Variants in ZFR2 observed in about 807,000 individuals in gnomAD.
ZFR2 encodes the protein zinc finger RNA binding protein 2.
A neutral mutation model predicts 105.7 loss-of-function variants in ZFR2; 104 were observed. That is an observed-to-expected ratio of 0.98 (90% CI 0.84 to 1.16). The LOEUF is 1.16. Among genes scored for constraint, ZFR2 ranks in the 50% most tolerant of loss-of-function variants. The pLI is 0.00. For synonymous variants in ZFR2, 634 were observed against 597.7 expected (o/e 1.06, Z -0.89); for missense variants, 1,425 against 1,355.5 (o/e 1.05, Z -0.80).
At chr19:3,835,121 C>A in intron 1 of ZFR2, 138 bp from the exon 2 acceptor site, 1 of 929,196 alleles carries the variant, frequency 1.1e-6, no homozygotes, top group Non-Finnish European at 1.7e-6. Context: ...AGCCCAGGCA[C>A]GGCCGGAAGC....
At chr19:3,818,364 G>T (rs899117948) in intron 12 of ZFR2, among the ~76,000 whole-genome samples, 1 of 152,220 alleles carries the variant, frequency 6.6e-6, no homozygotes, top group Non-Finnish European at 1.5e-5. Flanking sequence ...CTACTCGGGA[G>T]GCTGAGGCGG....
At chr19:3,806,267 C>G in intron 18 of ZFR2, 142 bp from the exon 19 acceptor site, 2 of 966,826 alleles carry the variant, frequency 2.1e-6, no homozygotes, top group African/African-American at 3.4e-5. Flanking sequence ...CGGCCCCCCG[C>G]CGCTTTCTTT....
chr19:3,825,682 C>T (rs758681247), intron 6 of ZFR2, among the ~76,000 whole-genome samples: 7 of 152,184 alleles, frequency 4.6e-5, no homozygotes, highest in Non-Finnish European at 8.8e-5. Context: ...CTCACACGGA[C>T]GCTCTTCCTC....
At chr19:3,862,243 G>C (rs182972704) in intron 1 of ZFR2, among the ~76,000 whole-genome samples, 2 of 152,242 alleles carry the variant, frequency 1.3e-5, no homozygotes, top group East Asian at 3.9e-4. Flanking sequence ...AATATGTTTA[G>C]GAGAGAAAAA....
At chr19:3,842,852 T>G (rs1363827044) in intron 1 of ZFR2, among the ~76,000 whole-genome samples, 1 of 152,128 alleles carries the variant, frequency 6.6e-6, no homozygotes, top group Non-Finnish European at 1.5e-5. Flanking sequence ...CTCGAACTCC[T>G]GACTGCAGGT....
In ZFR2 at chr19:3,825,266, C is replaced by T; in HGVS notation, c.1177G>A (p.Ala393Thr). The T allele has an allele frequency of 6.4e-7, 1 of 1,558,468 alleles. No individual in the cohort carries two copies. The highest frequency in any genetic ancestry group is 2.4e-5 in the East Asian group (1 of 42,404). The change falls in exon 7 of 19, where the codon GCC becomes ACC. Residue 393 changes from alanine to threonine, a missense_variant. Coordinates refer to ENST00000262961, the MANE Select transcript of ZFR2 (RefSeq NM_015174.2). ...SVCASSRPAL[A>T]KRPVASKALC... ...GCCTTCGAGGCCACGGGTCTCTTGG[C>T]CAGCGCTGGCCTGCTCGAGGCACAC...
At chr19:3,814,221 G>A (rs1442207178) in intron 13 of ZFR2, among the ~76,000 whole-genome samples, 2 of 152,158 alleles carry the variant, frequency 1.3e-5, no homozygotes, top group Non-Finnish European at 2.9e-5. Flanking sequence ...AAGAATACCT[G>A]TAATTCAATA....
chr19:3,867,310 G>A (rs887765830), intron 1 of ZFR2, among the ~76,000 whole-genome samples: 65 of 150,006 alleles, frequency 4.3e-4, no homozygotes, highest in Non-Finnish European at 8.4e-4. Context: ...CTGTTGGGGG[G>A]GGAATCTGGT....
At chr19:3,856,524 AC>A in intron 1 of ZFR2, among the ~76,000 whole-genome samples, 1 of 152,088 alleles carries the variant, frequency 6.6e-6, no homozygotes, top group Non-Finnish European at 1.5e-5. Context: ...TGTTTCCACC[AC>A]CCCAAAAAGA....
chr19:3,825,648 G>C (rs1476953221), intron 6 of ZFR2, among the ~76,000 whole-genome samples: 3 of 151,466 alleles, frequency 2.0e-5, no homozygotes, highest in Non-Finnish European at 2.9e-5. Context: ...CACTCCTCTA[G>C]TGTGTGAGCA....
chr19:3,857,915 G>A (rs929127441), intron 1 of ZFR2, among the ~76,000 whole-genome samples: 1 of 152,052 alleles, frequency 6.6e-6, no homozygotes, highest in Non-Finnish European at 1.5e-5. Flanking sequence ...GGTGGGAAAC[G>A]GGGAGCCCAG....
rs1446969857 is a variant in ZFR2 at position 3,827,600 on chromosome 19, C to G, written c.906G>C (p.Gln302His). The change falls in exon 6 of 19, where the codon CAG (glutamine) becomes CAC (histidine). Residue 302 changes from glutamine (Q) to histidine (H), a missense_variant. By Grantham distance (24) the Gln-to-His change is conservative (BLOSUM62 0). Transcript: ENST00000262961. ...TCCCGTTGGGCTGCACGCCTGTCTT[C>G]TGGGCCGCCTCCTTCTTTCTGTGCT... ...GQKHRKKEAA[Q>H]KTGVQPNGSP... The G allele has an allele frequency of 6.3e-7, 1 of 1,579,296 alleles. No individual in the cohort carries two copies. Among genetic ancestry groups the G allele is most frequent in the East Asian group, 2.3e-5 (1 of 42,786 alleles).
Position 3,827,735 on chromosome 19 carries a change from C to T in ZFR2, c.853-82G>A, listed in dbSNP as rs117221104. The T allele has an allele frequency of 1.4e-3, 2,157 of 1,496,114 alleles. 66 individuals carry two copies. The East Asian group carries it at 0.045, about 31-fold the overall frequency. 92.7% of individuals were successfully genotyped at this position (1,496,114 alleles called of 1,614,324 possible). ...CCTCCCCTGCAGGCCCCCGGCTTAG[C>T]GCGAGGGAACTCGGTGGTAACAGAG... On this transcript the variant is annotated intron_variant, in intron 5 of 18. Transcript: ENST00000262961.
At chr19:3,859,759 C>T (rs142046394) in intron 1 of ZFR2, among the ~76,000 whole-genome samples, 3 of 152,216 alleles carry the variant, frequency 2.0e-5, no homozygotes, top group Non-Finnish European at 4.4e-5. Context: ...ACATTTCAAT[C>T]GCTGTGTGTA....
intron 12 of ZFR2, 84 bp downstream of exon 12, chr19:3,818,961 G>A (rs1568419846): frequency 4.0e-6 from 6 of 1,499,348 alleles, no homozygotes; most frequent in Non-Finnish European, 5.4e-6. Context: ...ATCAGAGCTA[G>A]GGGTTCCTGC....
chr19:3,852,354 T>C (rs1048991224), intron 1 of ZFR2: 1 of 649,060 alleles, frequency 1.5e-6, no homozygotes. Flanking sequence ...CTCCTGACCA[T>C]GGCTGGGCTT....
rs1237324496 is a variant in ZFR2, at chr19:3,823,251, C to T, written c.1366G>A (p.Glu456Lys). 3 of 1,613,878 alleles carry T rather than the reference C, an allele frequency of 1.9e-6. No homozygotes were observed. The highest frequency in any genetic ancestry group is 1.3e-5 in the African/African-American group (1 of 75,014). ...DAQPVGPEYV[E>K]EVFSDEGRVL... ...ACTTGACAGCCTCGACTTACCTCCT[C>T]CACATATTCCGGGCCCACCGGCTGC... Residue 456 changes from glutamate (E) to lysine (K), a missense_variant, in exon 8 of 19, where the codon GAG becomes AAG. Transcript: ENST00000262961. This position sits in a 1 kb window ranked among gnomAD's most constrained non-coding sequence, Gnocchi z 5.4.
intron 12 of ZFR2, among the ~76,000 whole-genome samples, chr19:3,818,635 T>C (rs1007420632): frequency 6.6e-6 from 1 of 152,106 alleles, no homozygotes; most frequent in African/African-American, 2.4e-5. Context: ...GGGAGCTGAT[T>C]CACACGGGCA....
Position 3,819,148 on chromosome 19 carries a change from C to T in ZFR2, c.1828G>A (p.Val610Met), listed in dbSNP as rs371061906. ...TCTGCGTGGGACACGGCCCTCTGCA[C>T]GGCCAGGAGCTCCTGCTCCGTGGGG... ...IYPTEQELLA[V>M]QRAVSHAERA... Residue 610 changes from valine (V) to methionine (M), a missense_variant, in exon 12 of 19, where the codon GTG (valine) becomes ATG (methionine). By Grantham distance (21) the Val-to-Met change is conservative. Transcript: ENST00000262961. 2.1e-5 allele frequency: 33 copies of T among 1,607,316 alleles called. No individual in the cohort carries two copies. The East Asian group carries it at 3.3e-4, about 16-fold the overall frequency.
Sources: gnomAD v4.1 joint callset for allele counts (sites outside exome capture counted in the v4.1 genomes callset) on GRCh38, gnomAD v4.1.1 for gene constraint, Gnocchi (gnomAD v3.1) non-coding constraint, MANE v1.5 for transcripts, NCBI Gene and HGNC (gene_info 2026-07-23, HGNC 2026-07-21) for gene names.